CSMD1: variants seen among roughly 807,000 people sequenced by gnomAD.
CSMD1 encodes CUB and sushi domain-containing protein 1.
A neutral mutation model predicts 417.5 loss-of-function variants in CSMD1; 213 were observed. The observed-to-expected ratio is 0.51, with a 90% CI of 0.46 to 0.57. CSMD1 has a LOEUF of 0.57. Among genes scored for constraint, CSMD1 ranks in the 20% least tolerant of loss-of-function variants. The pLI, the probability that CSMD1 is intolerant of heterozygous loss-of-function variation, is 0.00. For missense variants in CSMD1, 6,923 were observed against 4,529.7 expected (o/e 1.53, Z -15.17); for synonymous variants, 2,862 against 1,736.8 (o/e 1.65, Z -16.11).
chr8:4,165,514 C>T (rs1377242134), intron 3 of CSMD1, among the ~76,000 whole-genome samples: 1 of 152,164 alleles, frequency 6.6e-6, no homozygotes, highest in Non-Finnish European at 1.5e-5. Context: ...AGTCATCCTC[C>T]CACCTCAGCC....
At chr8:4,823,332 T>G (rs538919412) in intron 1 of CSMD1, among the ~76,000 whole-genome samples, 1 of 152,194 alleles carries the variant, frequency 6.6e-6, no homozygotes, top group East Asian at 1.9e-4. Flanking sequence ...GACTTAGTTT[T>G]TAAAATGTAT....
At position 4,994,566 on chromosome 8, in the gene CSMD1, G is replaced by C. The variant is rs908299784; in HGVS notation, c.-150C>G. 5.9e-6 allele frequency: 4 copies of C among 675,868 alleles called. No homozygotes were observed. Among genetic ancestry groups the C allele is most frequent in the African/African-American group, 5.4e-5 (3 of 56,036 alleles). 41.9% of individuals were successfully genotyped at this position (675,868 alleles called of 1,614,324 possible). A position where few individuals can be genotyped will look rare whatever the true frequency, so the allele number is the denominator to read the frequency against. On this transcript the variant is annotated 5_prime_UTR_variant, in exon 1 of 70. Transcript: ENST00000635120. ...GCCGCGCATCCGACGCCTCCTGAAG[G>C]TCTGGGCGCCCGGCTCGCTTCCCTC...
At chr8:3,689,537 G>A (rs552565431) in intron 7 of CSMD1, among the ~76,000 whole-genome samples, 1 of 152,230 alleles carries the variant, frequency 6.6e-6, no homozygotes, top group South Asian at 2.1e-4. Flanking sequence ...TTTCCCGGAG[G>A]AGCCATTTCC....
chr8:3,758,008 G>C (rs971373483), intron 5 of CSMD1, among the ~76,000 whole-genome samples: 10 of 152,104 alleles, frequency 6.6e-5, no homozygotes, highest in Non-Finnish European at 1.5e-4. Context: ...CTGTCACCCA[G>C]GCTGGACTGC....
chr8:4,285,622 C>A (rs181533855), intron 3 of CSMD1, among the ~76,000 whole-genome samples: 130 of 152,264 alleles, frequency 8.5e-4, no homozygotes, highest in African/African-American at 3.0e-3. Context: ...GAGCATTGCC[C>A]TAAATGGAAT....
intron 17 of CSMD1, among the ~76,000 whole-genome samples, chr8:3,394,365 T>C (rs1377288455): frequency 6.6e-6 from 1 of 151,130 alleles, no homozygotes; most frequent in African/African-American, 2.4e-5. Context: ...CATTTCCTGA[T>C]TTTCCAGAAA....
chr8:3,794,170 T>G (rs1450771333), intron 5 of CSMD1, among the ~76,000 whole-genome samples: 3 of 152,160 alleles, frequency 2.0e-5, no homozygotes, highest in African/African-American at 7.2e-5. Context: ...AATGACTTTA[T>G]GTTACTCAAA....
intron 30 of CSMD1, among the ~76,000 whole-genome samples, chr8:3,212,372 C>T (rs1236942149): frequency 1.3e-5 from 2 of 152,018 alleles, no homozygotes; most frequent in Non-Finnish European, 2.9e-5. Flanking sequence ...TAACGTTCTT[C>T]CTCTGTCGAT....
At chr8:3,755,697 G>T (rs1229261718) in intron 5 of CSMD1, among the ~76,000 whole-genome samples, 1 of 152,104 alleles carries the variant, frequency 6.6e-6, no homozygotes, top group Non-Finnish European at 1.5e-5. Flanking sequence ...CTGATGTCAG[G>T]GGGCTCTATT....
intron 7 of CSMD1, among the ~76,000 whole-genome samples, chr8:3,667,014 T>C (rs1798727575): frequency 3.9e-5 from 6 of 152,166 alleles, no homozygotes; most frequent in Admixed American, 3.9e-4. Context: ...GGCACAACCC[T>C]GAAGGCGCCA....
chr8:4,526,894 G>C (rs142569425), intron 2 of CSMD1, among the ~76,000 whole-genome samples: 10 of 151,948 alleles, frequency 6.6e-5, no homozygotes, highest in Admixed American at 4.6e-4. Flanking sequence ...GAAGACTATT[G>C]TGAATGATCA....
intron 21 of CSMD1, among the ~76,000 whole-genome samples, chr8:3,353,156 G>A (rs1028486505): frequency 6.6e-6 from 1 of 152,198 alleles, no homozygotes; most frequent in African/African-American, 2.4e-5. Flanking sequence ...ACTTGCTTAT[G>A]ACTTTAATAA....
At chr8:3,511,770 AACAT>A (rs1314348959) in intron 10 of CSMD1, among the ~76,000 whole-genome samples, 3 of 56,544 alleles carry the variant, frequency 5.3e-5, no homozygotes, top group African/African-American at 1.7e-4. Flanking sequence ...AAAATAACAT[AACAT>A]AACATAACAT....
At chr8:3,178,738 T>C (rs1821099187) in intron 37 of CSMD1, among the ~76,000 whole-genome samples, 1 of 152,138 alleles carries the variant, frequency 6.6e-6, no homozygotes, top group South Asian at 2.1e-4. Flanking sequence ...TCTACTTTTT[T>C]TTTCCATTTT....
chr8:4,086,522 A>AACTCCC (rs1800429618), intron 3 of CSMD1, among the ~76,000 whole-genome samples: 1 of 152,210 alleles, frequency 6.6e-6, no homozygotes, highest in Admixed American at 6.5e-5. Flanking sequence ...GTGACTGGTC[A>AACTCCC]ACTCCCAATT....
intron 10 of CSMD1, among the ~76,000 whole-genome samples, chr8:3,505,512 TA>T (rs1264473688): frequency 6.6e-6 from 1 of 152,136 alleles, no homozygotes; most frequent in East Asian, 1.9e-4. Context: ...ATGGCCCCTG[TA>T]AATGAAATAA....
At chr8:4,443,235 T>A (rs1332544321) in intron 2 of CSMD1, among the ~76,000 whole-genome samples, 1 of 152,214 alleles carries the variant, frequency 6.6e-6, no homozygotes, top group East Asian at 1.9e-4. Flanking sequence ...TTAATGTGTT[T>A]TAAGATGGAT....
intron 40 of CSMD1, among the ~76,000 whole-genome samples, chr8:3,150,814 G>A (rs1338297194): frequency 2.0e-5 from 3 of 152,044 alleles, no homozygotes; most frequent in African/African-American, 7.2e-5. Context: ...ATGCATTTCT[G>A]AAGAGAGGCC....
At chr8:4,059,587 G>A (rs1284228399) in intron 3 of CSMD1, among the ~76,000 whole-genome samples, 20 of 152,026 alleles carry the variant, frequency 1.3e-4, no homozygotes, top group South Asian at 1.0e-3. Context: ...TCAAATAGAT[G>A]CAATAAAAAA....
Sources: allele counts gnomAD v4.1 joint callset (sites outside exome capture counted in the v4.1 genomes callset), GRCh38; gene constraint gnomAD v4.1.1; transcripts MANE v1.5; gene names NCBI Gene and HGNC (gene_info 2026-07-23, HGNC 2026-07-21).